Variants in BTBD9 observed in about 807,000 individuals in gnomAD.
BTBD9 encodes the protein BTB domain containing 9, also known as BTB/POZ domain-containing protein 9.
In BTBD9, 49 loss-of-function variants were observed where a neutral mutation model predicts 64.3. The observed-to-expected ratio is 0.76, with a 90% CI of 0.61 to 0.97. BTBD9 has a LOEUF of 0.97. Ranked by LOEUF, BTBD9 falls within the 50% of genes least tolerant of loss-of-function variation. The pLI is 0.00. For missense variants in BTBD9, 598 were observed against 762.1 expected, an observed-to-expected ratio of 0.78 and a Z score of 2.53; for synonymous variants, 260 against 274.7, an observed-to-expected ratio of 0.95 and a Z score of 0.53.
chr6:38,397,474 T>C (rs1766732333), intron 6 of BTBD9, among the ~76,000 whole-genome samples: 1 of 152,148 alleles, frequency 6.6e-6, no homozygotes, highest in Non-Finnish European at 1.5e-5. Context: ...CTCATTGAGA[T>C]GAGAACTTCA....
At chr6:38,178,783 G>A (rs930575478) in intron 10 of BTBD9, among the ~76,000 whole-genome samples, 24 of 152,172 alleles carry the variant, frequency 1.6e-4, no homozygotes, top group African/African-American at 5.8e-4. Flanking sequence ...CACCCAATGG[G>A]ACAGGGCGAG....
intron 9 of BTBD9, among the ~76,000 whole-genome samples, chr6:38,222,452 G>T (rs1157744488): frequency 6.6e-6 from 1 of 151,680 alleles, no homozygotes; most frequent in African/African-American, 2.4e-5. Context: ...GTAGAGACGG[G>T]GTTTCACCGT....
intron 1 of BTBD9, among the ~76,000 whole-genome samples, chr6:38,638,142 C>T (rs55835070): frequency 0.11 from 17,051 of 152,210 alleles, 1,170 homozygotes; most frequent in Non-Finnish European, 0.15. Flanking sequence ...CAAATCTTGC[C>T]TCTTTCAAAG....
At chr6:38,187,551 C>A (rs964238569) in intron 10 of BTBD9, among the ~76,000 whole-genome samples, 1 of 152,132 alleles carries the variant, frequency 6.6e-6, no homozygotes, top group African/African-American at 2.4e-5. Context: ...GAAAAAGCCA[C>A]ACGTGAGCAC....
At chr6:38,284,726 T>C (rs1761661649) in intron 8 of BTBD9, among the ~76,000 whole-genome samples, 1 of 152,082 alleles carries the variant, frequency 6.6e-6, no homozygotes, top group African/African-American at 2.4e-5. Context: ...GTATACAAAA[T>C]TTATGGGATT....
chr6:38,336,090 C>T (rs1057299153), intron 7 of BTBD9, among the ~76,000 whole-genome samples: 2 of 152,148 alleles, frequency 1.3e-5, no homozygotes, highest in Non-Finnish European at 2.9e-5. Flanking sequence ...TATGTACACA[C>T]TGACCACATA....
chr6:38,587,221 A>T (rs1776575778), intron 4 of BTBD9: 1 of 215,052 alleles, frequency 4.7e-6, no homozygotes, highest in Non-Finnish European at 9.4e-6. Context: ...TGGCGGCCTG[A>T]CATCGGCCCA....
At chr6:38,212,390 A>G (rs751364341) in intron 9 of BTBD9, among the ~76,000 whole-genome samples, 1 of 152,202 alleles carries the variant, frequency 6.6e-6, no homozygotes, top group Admixed American at 6.5e-5. Flanking sequence ...GCTGGGGGAC[A>G]GGAAGGTTGA....
chr6:38,367,334 T>C (rs1765221867), intron 6 of BTBD9, among the ~76,000 whole-genome samples: 1 of 152,252 alleles, frequency 6.6e-6, no homozygotes, highest in Non-Finnish European at 1.5e-5. Flanking sequence ...AGTTGAGTGG[T>C]AGCCTCTTGC....
At chr6:38,403,045 A>AC in intron 6 of BTBD9, 5 of 262,076 alleles carry the variant, frequency 1.9e-5, no homozygotes, top group Non-Finnish European at 3.8e-5. Context: ...AGCCTGGGTG[A>AC]TAGAGTGAAA....
At chr6:38,417,245 G>T (rs1409353255) in intron 6 of BTBD9, among the ~76,000 whole-genome samples, 2 of 152,188 alleles carry the variant, frequency 1.3e-5, no homozygotes, top group Non-Finnish European at 2.9e-5. Flanking sequence ...TGCCCACGCT[G>T]ACCTCTTCTA....
At chr6:38,188,192 C>T (rs1176646177) in intron 10 of BTBD9, among the ~76,000 whole-genome samples, 2 of 152,216 alleles carry the variant, frequency 1.3e-5, no homozygotes, top group Non-Finnish European at 2.9e-5. Context: ...GTTTGGAGTT[C>T]GGGGCAGTTT....
chr6:38,554,612 T>C lies in BTBD9; in HGVS notation c.1154+22988A>G, dbSNP rs140866070. Among the ~76,000 whole-genome samples, 156 of 152,358 alleles carry C rather than the reference T, an allele frequency of 1.0e-3. 1 individual carries two copies. The highest frequency in any genetic ancestry group is 3.3e-3 in the African/African-American group (138 of 41,592). On this transcript the variant is annotated intron_variant, in intron 6 of 10. Coordinates refer to ENST00000481247, the MANE Select transcript of BTBD9 (RefSeq NM_001099272.2). ...ACGGAGCTTGCATACTGTTTGGAAGTTACCAGAAAATCAACTGTGCATTGT... is the reference window on the plus strand; with the variant it reads ...ACGGAGCTTGCATACTGTTTGGAAGCTACCAGAAAATCAACTGTGCATTGT...
intron 6 of BTBD9, among the ~76,000 whole-genome samples, chr6:38,360,352 A>C (rs537977707): frequency 2.0e-4 from 31 of 152,308 alleles, no homozygotes; most frequent in African/African-American, 7.2e-4. Context: ...TAAATAGATC[A>C]TAATTTATTT....
At chr6:38,588,250 T>C (rs910697508) in intron 4 of BTBD9, 1 of 1,125,078 alleles carries the variant, frequency 8.9e-7, no homozygotes. Context: ...CCTGCCTTTT[T>C]GGTCAGCCTC....
Position 38,271,411 on chromosome 6 carries a change from C to T in BTBD9, c.1455-14895G>A, listed in dbSNP as rs117763582. On this transcript the variant is annotated intron_variant, in intron 8 of 10. Coordinates refer to ENST00000481247, the MANE Select transcript of BTBD9 (RefSeq NM_001099272.2). ...ATAACAGGATTATTATTATTATTCA[C>T]ATTTTTTTGAAACCATGAGGGGCAA... Among the ~76,000 whole-genome samples, 219 of 152,242 alleles carry T rather than the reference C, an allele frequency of 1.4e-3. 3 individuals carry two copies. In the East Asian group the frequency reaches 0.03, roughly 21 times the overall value.
At chr6:38,221,841 A>G (rs1763207560) in intron 9 of BTBD9, among the ~76,000 whole-genome samples, 1 of 152,070 alleles carries the variant, frequency 6.6e-6, no homozygotes, top group South Asian at 2.1e-4. Flanking sequence ...AAATACAGGA[A>G]TTAGCCAGGC....
At chr6:38,466,406 G>A (rs148441470) in intron 6 of BTBD9, among the ~76,000 whole-genome samples, 132 of 147,000 alleles carry the variant, frequency 9.0e-4, no homozygotes, top group African/African-American at 2.9e-3. Flanking sequence ...ATTCTCCTGC[G>A]TCAGCTTCCC....
At chr6:38,362,287 G>T (rs539370958) in intron 6 of BTBD9, among the ~76,000 whole-genome samples, 2 of 152,252 alleles carry the variant, frequency 1.3e-5, no homozygotes, top group East Asian at 3.9e-4. Flanking sequence ...TTGTATCAAA[G>T]TTAAGTGTCT....
Sources: allele counts gnomAD v4.1 joint callset (sites outside exome capture counted in the v4.1 genomes callset), GRCh38; gene constraint gnomAD v4.1.1; transcripts MANE v1.5; gene names NCBI Gene and HGNC (gene_info 2026-07-23, HGNC 2026-07-21).